The following CARHSP1 variants were observed in gnomAD, a reference collection of about 807,000 sequenced individuals.
CARHSP1 encodes the protein calcium-regulated heat-stable protein 1.
A neutral mutation model predicts 12.5 loss-of-function variants in CARHSP1; 14 were observed. The ratio of observed to expected loss-of-function variants is 1.12; its 90% CI spans 0.74 to 1.75. CARHSP1 has a LOEUF of 1.75. Ranked by LOEUF, CARHSP1 falls within the 40% of genes most tolerant of loss-of-function variation. CARHSP1 has a pLI of 0.00. For synonymous variants in CARHSP1, 161 were observed against 82.0 expected (o/e 1.96, Z -5.20); for missense variants, 343 against 201.6 (o/e 1.70, Z -4.25).
At chr16:8,861,569 C>T in intron 1 of CARHSP1, 1 of 1,253,850 alleles carries the variant, frequency 8.0e-7, no homozygotes, top group South Asian at 1.2e-5. Flanking sequence ...TGTCAGAACC[C>T]CTCCCCAGAC....
At chr16:8,866,665 G>T (rs904813400) in intron 1 of CARHSP1, among the ~76,000 whole-genome samples, 1 of 151,930 alleles carries the variant, frequency 6.6e-6, no homozygotes, top group Non-Finnish European at 1.5e-5. Context: ...TCCGGGGAGA[G>T]CGGGGGGTCT....
chr16:8,858,570 G>T, intron 2 of CARHSP1, 98 bp from the exon 3 acceptor site: 1 of 1,456,884 alleles, frequency 6.9e-7, no homozygotes, highest in Non-Finnish European at 9.3e-7. Flanking sequence ...ATCAAGCCCT[G>T]GCCAGGACCG....
intron 2 of CARHSP1, 194 bp downstream of exon 2, chr16:8,858,977 C>A (rs1034067119): frequency 3.9e-6 from 2 of 513,476 alleles, no homozygotes; most frequent in Non-Finnish European, 6.8e-6. Flanking sequence ...GTAACAGGTT[C>A]TTCTGGGCTG....
At chr16:8,861,508 CA>C (rs970886998) in intron 1 of CARHSP1, 33 of 924,212 alleles carry the variant, frequency 3.6e-5, no homozygotes, top group Middle Eastern at 2.6e-4. Flanking sequence ...CATAGCCACC[CA>C]AGAACCAGGC....
At chr16:8,867,758 G>C (rs985841584) in intron 1 of CARHSP1, 2 of 152,302 alleles carry the variant, frequency 1.3e-5, no homozygotes, top group Non-Finnish European at 2.9e-5. Flanking sequence ...GGTCTCCAAG[G>C]AGGACCCCGA....
intron 1 of CARHSP1, 120 bp downstream of exon 1, chr16:8,868,846 T>C (rs984834851): frequency 6.6e-6 from 1 of 151,774 alleles, no homozygotes; most frequent in East Asian, 2.0e-4. Flanking sequence ...TCTGCCGAGC[T>C]AGAAGACCCT....
At chr16:8,863,376 G>C (rs558617457) in intron 1 of CARHSP1, among the ~76,000 whole-genome samples, 1 of 152,184 alleles carries the variant, frequency 6.6e-6, no homozygotes, top group Admixed American at 6.5e-5. Context: ...GCTTCCCAAA[G>C]TGCTGGGATT....
rs1014029220 is a variant in CARHSP1, at chr16:8,860,156, C to T, written c.-7-821G>A. ...ACTGTGGAACACGTCGCAGAGAGCT[C>T]AAGCGCCACGTTTGGATCCCTGAGC... On this transcript the variant is annotated intron_variant, in intron 1 of 3. Transcript: ENST00000311052. The T allele has an allele frequency of 1.0e-5, 10 of 985,308 alleles. No individual in the cohort carries two copies. The African/African-American group carries it at 1.2e-4, about 12-fold the overall frequency. The allele number at this position is 985,308 out of a possible 1,614,324, so 61.0% of individuals were successfully genotyped here. A position where few individuals can be genotyped will look rare whatever the true frequency, so the allele number is the denominator to read the frequency against.
At chr16:8,860,262 C>T (rs1168784562) in intron 1 of CARHSP1, 3 of 983,042 alleles carry the variant, frequency 3.1e-6, no homozygotes, top group African/African-American at 1.7e-5. Context: ...AAGGCTGCAT[C>T]CAGCTCCATC....
At chr16:8,861,111 G>A (rs2061339441) in intron 1 of CARHSP1, among the ~76,000 whole-genome samples, 1 of 147,114 alleles carries the variant, frequency 6.8e-6, no homozygotes. Flanking sequence ...CAGGCTGGAG[G>A]GCAGTGGCAT....
chr16:8,866,401 C>G (rs2061455654), intron 1 of CARHSP1: 1 of 981,560 alleles, frequency 1.0e-6, no homozygotes, highest in Non-Finnish European at 1.2e-6. Context: ...GGGTGAGACT[C>G]TAGCAGAGTA....
chr16:8,853,083 G>A lies in CARHSP1; in HGVS notation c.*2081C>T, dbSNP rs568623742. Reference sequence around the variant, plus strand: ...CCAGAGCCTCGAGGAGTTTCCCCTTGTGTAAACCGGTATCGCGTCCCTTCC... The same window carrying A: ...CCAGAGCCTCGAGGAGTTTCCCCTTATGTAAACCGGTATCGCGTCCCTTCC... On this transcript the variant is annotated 3_prime_UTR_variant, in exon 4 of 4. Coordinates refer to ENST00000311052, the MANE Select transcript of CARHSP1 (RefSeq NM_014316.4). 6.6e-6 allele frequency: 1 copy of A among 152,232 alleles called. No individual in the cohort carries two copies. Among genetic ancestry groups the A allele is most frequent in the South Asian group, 2.1e-4 (1 of 4,824 alleles). 9.4% of individuals were successfully genotyped at this position (152,232 alleles called of 1,614,324 possible). A position where few individuals can be genotyped will look rare whatever the true frequency, so the allele number is the denominator to read the frequency against.
rs990565410 is a variant in CARHSP1 at position 8,857,276 on chromosome 16, T to G, written c.281+1074A>C. ...TTGGGCAGATCTGTTTTTTTTTTTT[T>G]TTTTTTTTTTTTTTTTTTTTTTTGA... On this transcript the variant is annotated intron_variant, in intron 3 of 3. Transcript: ENST00000311052. 3.3e-3 allele frequency among the ~76,000 whole-genome samples: 335 copies of G among 101,978 alleles called. 10 individuals are homozygous for G. Among genetic ancestry groups the G allele is most frequent in the East Asian group, 0.011 (35 of 3,222 alleles). The allele number at this position is 101,978 out of a possible 152,430, so 66.9% of individuals were successfully genotyped here. A position where few individuals can be genotyped will look rare whatever the true frequency, so the allele number is the denominator to read the frequency against.
chr16:8,866,245 G>A (rs2061452915), intron 1 of CARHSP1, among the ~76,000 whole-genome samples: 1 of 152,138 alleles, frequency 6.6e-6, no homozygotes, highest in Non-Finnish European at 1.5e-5. Flanking sequence ...CCAGATTCCT[G>A]GCCAAGATTC....
At position 8,855,169 on chromosome 16, in the gene CARHSP1, A is replaced by C. The variant is rs2061056334; in HGVS notation, c.439T>G (p.Ser147Ala). 6.3e-7 allele frequency: 1 copy of C among 1,594,072 alleles called. No individual in the cohort carries two copies. Among genetic ancestry groups the C allele is most frequent in the Admixed American group, 1.7e-5 (1 of 58,420 alleles). Residue 147 changes from serine to alanine, a missense_variant, in exon 4 of 4, where the codon TCC (serine) becomes GCC (alanine). Transcript: ENST00000311052. Reference sequence around the variant, plus strand: ...AGGGGTGCTTCCACCATCTCCTAGGAGCTGATGACATGTCCAGACCAGGTC... The same window carrying C: ...AGGGGTGCTTCCACCATCTCCTAGGCGCTGATGACATGTCCAGACCAGGTC... ...HETWSGHVIS[S>A] is the part of the protein sequence containing the mutation.
At chr16:8,862,535 G>C (rs1034837894) in intron 1 of CARHSP1, among the ~76,000 whole-genome samples, 2 of 151,962 alleles carry the variant, frequency 1.3e-5, no homozygotes, top group African/African-American at 4.8e-5. Flanking sequence ...GATCCCAAAA[G>C]GGCTGTAAAG....
intron 1 of CARHSP1, among the ~76,000 whole-genome samples, chr16:8,865,038 G>A (rs894049171): frequency 1.3e-5 from 2 of 152,196 alleles, no homozygotes; most frequent in Non-Finnish European, 2.9e-5. Context: ...TGTGCTTACT[G>A]CAAGGAGGGC....
At chr16:8,858,610 C>T (rs1391605984) in intron 2 of CARHSP1, 138 bp from the exon 3 acceptor site, 1 of 1,053,560 alleles carries the variant, frequency 9.5e-7, no homozygotes, top group Non-Finnish European at 1.3e-6. Flanking sequence ...CTGAGGACTG[C>T]ACAACCCTCA....
chr16:8,861,211 G>T (rs564536278), intron 1 of CARHSP1, among the ~76,000 whole-genome samples: 15 of 94,634 alleles, frequency 1.6e-4, no homozygotes, highest in African/African-American at 5.5e-4. Flanking sequence ...TAGAGACAGG[G>T]TATCACTATG....
Sources: allele counts gnomAD v4.1 joint callset (sites outside exome capture counted in the v4.1 genomes callset), GRCh38; gene constraint gnomAD v4.1.1; transcripts MANE v1.5; gene names NCBI Gene and HGNC (gene_info 2026-07-23, HGNC 2026-07-21).